Variants in FBXO11 observed in about 807,000 individuals in gnomAD.
FBXO11 encodes F-box protein 11, also known as F-box only protein 11.
FBXO11 carries 13 observed loss-of-function variants against 117.0 expected under a neutral mutation model. The observed-to-expected ratio is 0.11, with a 90% confidence interval of 0.07 to 0.18. The LOEUF is 0.18. Ranked by LOEUF, FBXO11 falls within the 10% of genes least tolerant of loss-of-function variation. The probability of loss-of-function intolerance (pLI) is 1.00; values close to 1 mark genes in which losing one functional copy is unlikely to be tolerated. For missense variants in FBXO11, 767 were observed against 1,164.4 expected, an observed-to-expected ratio of 0.66 and a Z score of 4.97; for synonymous variants, 490 against 380.5, an observed-to-expected ratio of 1.29 and a Z score of -3.35.
intron 17 of FBXO11, 48 bp from the exon 18 acceptor site, chr2:47,813,425 A>AT (rs564540671): frequency 0.043 from 16,516 of 385,612 alleles, 60 homozygotes; most frequent in Middle Eastern, 0.053. Flanking sequence ...TTTCTTTTTA[A>AT]TTTTTTTTTT....
intron 16 of FBXO11, chr2:47,818,529 T>C: frequency 2.7e-6 from 1 of 366,908 alleles, no homozygotes; most frequent in Non-Finnish European, 4.9e-6. Context: ...TGGCAGCTGA[T>C]GTGACTCTCA....
At chr2:47,891,931 T>TA (rs1238363468) in intron 1 of FBXO11, among the ~76,000 whole-genome samples, 1 of 152,246 alleles carries the variant, frequency 6.6e-6, no homozygotes, top group African/African-American at 2.4e-5. Flanking sequence ...GGAGAATGTC[T>TA]ATTGAAGTCT....
chr2:47,827,837 C>T (rs1462285403), intron 11 of FBXO11, among the ~76,000 whole-genome samples: 2 of 151,470 alleles, frequency 1.3e-5, no homozygotes, highest in East Asian at 3.9e-4. Flanking sequence ...GCTGGGATTA[C>T]AGGTGGGTGC....
intron 1 of FBXO11, chr2:47,883,482 G>C (rs1415045756): frequency 4.8e-6 from 2 of 412,768 alleles, no homozygotes; most frequent in Non-Finnish European, 4.8e-6. Flanking sequence ...AACCCTTATG[G>C]GGAAGACCAT....
intron 1 of FBXO11, among the ~76,000 whole-genome samples, chr2:47,886,651 A>G (rs1676875163): frequency 6.6e-6 from 1 of 152,188 alleles, no homozygotes; most frequent in African/African-American, 2.4e-5. Context: ...TGGTACATTC[A>G]TGTAAGGGGA....
chr2:47,866,421 A>C (rs966220862), intron 1 of FBXO11, among the ~76,000 whole-genome samples: 1 of 151,978 alleles, frequency 6.6e-6, no homozygotes, highest in Non-Finnish European at 1.5e-5. Flanking sequence ...AGCACTAAAA[A>C]ACTGCGTCCC....
Position 47,813,269 on chromosome 2 carries a change from C to T in FBXO11, c.2192G>A (p.Arg731Lys). 6.2e-7 allele frequency: 1 copy of T among 1,613,520 alleles called. No homozygotes were observed. ...TLRRNKIHDG[R>K]DGGICIFNGG... ...ATTAAATATACAGATGCCACCATCT[C>T]TTCCATCATGGATTTTATTTCTTCT... is the stretch of plus-strand genomic sequence containing the variant. The change falls in exon 18 of 23, where the codon AGA (arginine) becomes AAA (lysine). Residue 731 changes from arginine to lysine, a missense_variant. By Grantham distance (26) the Arg-to-Lys change is conservative. This residue lies in a region of FBXO11 where 42 missense variants were observed against 216.8 expected (regional missense o/e 0.19). Transcript: ENST00000403359.
At chr2:47,841,803 G>C (rs1572826314) in intron 1 of FBXO11, among the ~76,000 whole-genome samples, 1 of 151,854 alleles carries the variant, frequency 6.6e-6, no homozygotes, top group South Asian at 2.1e-4. Context: ...ACCATGCCTG[G>C]CTAACTTTTT....
At chr2:47,811,595 C>T (rs1179229560) in intron 18 of FBXO11, 1 of 152,144 alleles carries the variant, frequency 6.6e-6, no homozygotes, top group African/African-American at 2.4e-5. Context: ...TTGGATATTC[C>T]AGAAGACAAC....
intron 1 of FBXO11, among the ~76,000 whole-genome samples, chr2:47,855,964 A>T (rs536679530): frequency 6.6e-6 from 1 of 152,334 alleles, no homozygotes; most frequent in African/African-American, 2.4e-5. Flanking sequence ...CCTGAGCAAA[A>T]GCCAGGCATG....
At position 47,835,906 on chromosome 2, in the gene FBXO11, T is replaced by C. The variant is rs1398888171; in HGVS notation, c.683A>G (p.His228Arg). 1.2e-6 allele frequency: 2 copies of C among 1,611,114 alleles called. No homozygotes were observed. The highest frequency in any genetic ancestry group is 1.7e-6 in the Non-Finnish European group (2 of 1,177,972). The change falls in exon 5 of 23, where the codon CAT becomes CGT. Residue 228 changes from histidine (H) to arginine (R), a missense_variant. Around this residue, in one of 10 missense-constraint regions of FBXO11, gnomAD observed 355 missense variants for 299.8 expected, o/e 1.18. Transcript: ENST00000403359. The part of the protein sequence containing the change: ...FYQINPEEYE[H>R]PNPWKESFQQ... ...GAAACTCTCTTTCCAGGGATTTGGA[T>C]GTTCATACTCTTCTGGATTAATCTG...
chr2:47,811,746 C>G (rs1670628006), intron 18 of FBXO11: 1 of 152,210 alleles, frequency 6.6e-6, no homozygotes, highest in Non-Finnish European at 1.5e-5. Flanking sequence ...TTTCAACCCC[C>G]ATATTAAATC....
intron 1 of FBXO11, among the ~76,000 whole-genome samples, chr2:47,846,306 A>C (rs538900116): frequency 6.6e-6 from 1 of 152,290 alleles, no homozygotes; most frequent in East Asian, 1.9e-4. Context: ...CGTCTCTACT[A>C]AAAATACAAA....
intron 1 of FBXO11, among the ~76,000 whole-genome samples, chr2:47,854,566 C>T (rs116257278): frequency 6.6e-6 from 1 of 151,988 alleles, no homozygotes; most frequent in African/African-American, 2.4e-5. Flanking sequence ...AGTCAATTAA[C>T]CTCTCTAGAA....
chr2:47,900,602 G>GTATACACGTGTGTATA lies in FBXO11; in HGVS notation c.232+4886_232+4887insTATACACACGTGTATA, dbSNP rs1558486215. ...CACACATATATACGTATATACACAC[G>GTATACACGTGTGTATA]TATACACACGTATATACACACGTAT... On this transcript the variant is annotated intron_variant, in intron 1 of 22. Coordinates refer to ENST00000403359, the MANE Select transcript of FBXO11 (RefSeq NM_001190274.2). 6.0e-3 allele frequency among the ~76,000 whole-genome samples: 544 copies of GTATACACGTGTGTATA among 90,578 alleles called. 66 individuals are homozygous for GTATACACGTGTGTATA. Among genetic ancestry groups the GTATACACGTGTGTATA allele is most frequent in the Non-Finnish European group, 9.8e-3 (408 of 41,798 alleles). 59.4% of individuals were successfully genotyped at this position (90,578 alleles called of 152,430 possible).
At chr2:47,849,750 G>A (rs1471902036) in intron 1 of FBXO11, among the ~76,000 whole-genome samples, 1 of 152,170 alleles carries the variant, frequency 6.6e-6, no homozygotes, top group African/African-American at 2.4e-5. Flanking sequence ...ACAACTGAGA[G>A]TCAGTTATGC....
intron 19 of FBXO11, chr2:47,809,964 T>G (rs1670501681): frequency 2.0e-6 from 1 of 498,292 alleles, no homozygotes; most frequent in South Asian, 3.2e-5. Flanking sequence ...TGGATTTCAT[T>G]TGCATCCATT....
intron 7 of FBXO11, among the ~76,000 whole-genome samples, chr2:47,833,645 G>T (rs1032245490): frequency 6.6e-6 from 1 of 152,178 alleles, no homozygotes; most frequent in Non-Finnish European, 1.5e-5. Flanking sequence ...GTGTTTGACA[G>T]ATATTACATT....
intron 7 of FBXO11, among the ~76,000 whole-genome samples, chr2:47,833,745 G>A (rs978413408): frequency 6.6e-6 from 1 of 152,096 alleles, no homozygotes; most frequent in East Asian, 1.9e-4. Flanking sequence ...CATAGCAATA[G>A]AAATATTAGC....
Sources: gnomAD v4.1 joint callset for allele counts (sites outside exome capture counted in the v4.1 genomes callset) on GRCh38, gnomAD v4.1.1 for gene constraint, gnomAD v4.1.1 regional missense constraint, MANE v1.5 for transcripts, NCBI Gene and HGNC (gene_info 2026-07-23, HGNC 2026-07-21) for gene names.